The following CADPS variants were observed in gnomAD, a reference collection of about 807,000 sequenced individuals.
The protein encoded by CADPS is calcium-dependent secretion activator 1.
A neutral mutation model predicts 167.3 loss-of-function variants in CADPS; 57 were observed. The ratio of observed to expected loss-of-function variants is 0.34; its 90% CI spans 0.28 to 0.42. CADPS has a LOEUF of 0.42. Among genes scored for constraint, CADPS ranks in the 20% least tolerant of loss-of-function variants. CADPS has a pLI of 1.00. For synonymous variants in CADPS, 676 were observed against 635.3 expected, an observed-to-expected ratio of 1.06 and a Z score of -0.96; for missense variants, 1,414 against 1,738.1, an observed-to-expected ratio of 0.81 and a Z score of 3.32.
At chr3:62,616,337 T>C (rs918043074) in intron 6 of CADPS, among the ~76,000 whole-genome samples, 4 of 152,140 alleles carry the variant, frequency 2.6e-5, no homozygotes, top group Non-Finnish European at 2.9e-5. Flanking sequence ...GGCACGTATA[T>C]TGGTTATGTT....
intron 3 of CADPS, among the ~76,000 whole-genome samples, chr3:62,730,899 G>A (rs1460950795): frequency 6.6e-6 from 1 of 152,232 alleles, no homozygotes; most frequent in Non-Finnish European, 1.5e-5. Flanking sequence ...GCTTCTGACA[G>A]TCCAATAACT....
chr3:62,541,069 G>A (rs924107739), intron 11 of CADPS, among the ~76,000 whole-genome samples: 1 of 152,186 alleles, frequency 6.6e-6, no homozygotes, highest in Admixed American at 6.6e-5. Flanking sequence ...TAAAGTGGCT[G>A]CTTAAAACCC....
chr3:62,417,908 T>C (rs1188005469), intron 28 of CADPS, among the ~76,000 whole-genome samples: 1 of 151,984 alleles, frequency 6.6e-6, no homozygotes, highest in Non-Finnish European at 1.5e-5. Flanking sequence ...CATGTGCCTA[T>C]AGTCTCAGCT....
intron 3 of CADPS, among the ~76,000 whole-genome samples, chr3:62,724,443 T>C (rs962053975): frequency 1.3e-5 from 2 of 152,202 alleles, no homozygotes; most frequent in African/African-American, 2.4e-5. Flanking sequence ...GGCACAGACA[T>C]ACATTTAATT....
intron 6 of CADPS, among the ~76,000 whole-genome samples, chr3:62,641,453 C>A (rs921822527): frequency 2.0e-5 from 3 of 152,112 alleles, no homozygotes; most frequent in Middle Eastern, 3.2e-3. Context: ...AAATATATCA[C>A]CTTAGAGCAA....
chr3:62,743,454 T>C (rs2080753468), intron 3 of CADPS, among the ~76,000 whole-genome samples: 2 of 152,186 alleles, frequency 1.3e-5, no homozygotes, highest in Non-Finnish European at 1.5e-5. Context: ...GTTTATTTAT[T>C]AACTGAAAAG....
intron 21 of CADPS, among the ~76,000 whole-genome samples, chr3:62,486,910 T>C (rs2062912640): frequency 6.6e-6 from 1 of 152,230 alleles, no homozygotes; most frequent in African/African-American, 2.4e-5. Flanking sequence ...TTATGCAAGA[T>C]ATTTCTAGGC....
intron 3 of CADPS, among the ~76,000 whole-genome samples, chr3:62,702,080 T>C (rs1317708442): frequency 6.6e-6 from 1 of 152,146 alleles, no homozygotes; most frequent in African/African-American, 2.4e-5. Context: ...GAGGATTCAG[T>C]AATGCTACCA....
chr3:62,448,386 T>C (rs2057531838), intron 26 of CADPS, among the ~76,000 whole-genome samples: 1 of 152,122 alleles, frequency 6.6e-6, no homozygotes, highest in African/African-American at 2.4e-5. Context: ...TACAGGCAGT[T>C]TGGGAAGATG....
chr3:62,681,985 G>A (rs576804760), intron 3 of CADPS, among the ~76,000 whole-genome samples: 7 of 152,206 alleles, frequency 4.6e-5, no homozygotes, highest in African/African-American at 1.4e-4. Flanking sequence ...CATTGTGTCT[G>A]TATCTGTTGA....
intron 16 of CADPS, chr3:62,513,537 C>A: frequency 2.6e-6 from 2 of 762,970 alleles, no homozygotes; most frequent in African/African-American, 1.8e-5. Context: ...TGCTAAAAAA[C>A]TTGAAGCAAG....
intron 3 of CADPS, among the ~76,000 whole-genome samples, chr3:62,728,284 A>G (rs369322045): frequency 7.3e-5 from 11 of 150,722 alleles, no homozygotes; most frequent in African/African-American, 2.7e-4. Context: ...TGTTTCTCCC[A>G]GCAAAGATTG....
rs566916901 is a variant in CADPS at position 62,563,179 on chromosome 3, TATATCTGATAACCAG to T, written c.1645-5681_1645-5667del. Among the ~76,000 whole-genome samples, 451 of 151,214 alleles carry T rather than the reference TATATCTGATAACCAG, an allele frequency of 3.0e-3. 1 individual carries two copies. Among genetic ancestry groups the T allele is most frequent in the Non-Finnish European group, 4.8e-3 (320 of 67,136 alleles). ...TTGGGTTGATATCTGATAACCAGAC[TATATCTGATAACCAG>T]ATATCTGATAACCAGAATATAAATA... On this transcript the variant is annotated intron_variant, in intron 9 of 29. Coordinates refer to ENST00000383710, the MANE Select transcript of CADPS (RefSeq NM_003716.4).
intron 10 of CADPS, among the ~76,000 whole-genome samples, chr3:62,554,576 C>G (rs963700658): frequency 6.6e-6 from 1 of 152,096 alleles, no homozygotes; most frequent in Non-Finnish European, 1.5e-5. Context: ...GTTGAGGAGA[C>G]TCCTCAAATC....
In CADPS at chr3:62,478,514, G is replaced by C; in HGVS notation, c.3174-98C>G. 1 of 1,129,310 alleles carries C rather than the reference G, an allele frequency of 8.9e-7. No individual in the cohort carries two copies. The highest frequency in any genetic ancestry group is 1.3e-6 in the Non-Finnish European group (1 of 788,030). The allele number at this position is 1,129,310 out of a possible 1,614,324, so 70.0% of individuals were successfully genotyped here. A position where few individuals can be genotyped will look rare whatever the true frequency, so the allele number is the denominator to read the frequency against. ...ACTGGGGGCTAGAAGGCAAACAGCAGCTTCAACATACAAAACAACGTGTGT... is the reference window on the plus strand; with the variant it reads ...ACTGGGGGCTAGAAGGCAAACAGCACCTTCAACATACAAAACAACGTGTGT... On this transcript the variant is annotated intron_variant, in intron 22 of 29. Transcript: ENST00000383710. The surrounding 1 kb of genome is among the most constrained non-coding windows in gnomAD (Gnocchi z 5.7).
At chr3:62,725,956 C>A (rs923874573) in intron 3 of CADPS, among the ~76,000 whole-genome samples, 2 of 151,798 alleles carry the variant, frequency 1.3e-5, no homozygotes, top group Non-Finnish European at 2.9e-5. Context: ...ATTGCTAGAA[C>A]CTGCCAGAGT....
At chr3:62,627,108 C>T (rs1317661781) in intron 6 of CADPS, among the ~76,000 whole-genome samples, 1 of 149,106 alleles carries the variant, frequency 6.7e-6, no homozygotes, top group African/African-American at 2.5e-5. Flanking sequence ...GAATCATTTC[C>T]ATGTTACATT....
chr3:62,626,344 T>G, intron 6 of CADPS: 1 of 468,166 alleles, frequency 2.1e-6, no homozygotes. Flanking sequence ...GGCACGGATT[T>G]ACTAAACAGA....
chr3:62,448,235 TC>T, intron 26 of CADPS, among the ~76,000 whole-genome samples: 1 of 152,324 alleles, frequency 6.6e-6, no homozygotes, highest in East Asian at 1.9e-4. Context: ...AGAAATTGCC[TC>T]CTGTACTCTG....
Sources: gnomAD v4.1 joint callset for allele counts (sites outside exome capture counted in the v4.1 genomes callset) on GRCh38, gnomAD v4.1.1 for gene constraint, Gnocchi (gnomAD v3.1) non-coding constraint, MANE v1.5 for transcripts, NCBI Gene and HGNC (gene_info 2026-07-23, HGNC 2026-07-21) for gene names.